The following PDE1C variants were observed in gnomAD, a reference collection of about 807,000 sequenced individuals.
PDE1C encodes the protein phosphodiesterase 1C, also known as dual specificity calcium/calmodulin-dependent 3',5'-cyclic nucleotide phosphodiesterase 1C.
Under a neutral mutation model 93.1 loss-of-function variants are expected in PDE1C, and 62 were observed. The ratio of observed to expected loss-of-function variants is 0.67; its 90% CI spans 0.54 to 0.82. The LOEUF is 0.82. Ranked by LOEUF, PDE1C falls within the 40% of genes least tolerant of loss-of-function variation. The pLI is 0.00. For missense variants in PDE1C, 742 were observed against 884.6 expected (o/e 0.84, Z 2.04); for synonymous variants, 325 against 310.1 (o/e 1.05, Z -0.50).
chr7:32,242,495 T>A (rs563231815), intron 1 of PDE1C, among the ~76,000 whole-genome samples: 1 of 152,278 alleles, frequency 6.6e-6, no homozygotes, highest in East Asian at 1.9e-4. Context: ...AGTCGGTTAA[T>A]GAAAAGAGAA....
At chr7:32,383,242 C>T (rs1784566257) in intron 1 of PDE1C, among the ~76,000 whole-genome samples, 1 of 152,128 alleles carries the variant, frequency 6.6e-6, no homozygotes, top group Non-Finnish European at 1.5e-5. Context: ...AGTTCTCAGC[C>T]ATAAGTAACA....
At chr7:32,210,606 A>AT (rs112236872) in intron 1 of PDE1C, among the ~76,000 whole-genome samples, 42 of 152,280 alleles carry the variant, frequency 2.8e-4, no homozygotes, top group African/African-American at 9.9e-4. Flanking sequence ...CATTTGAGCA[A>AT]TTTTTTAAAA....
At chr7:32,092,768 G>GA (rs1182276836) in intron 3 of PDE1C, among the ~76,000 whole-genome samples, 1 of 151,988 alleles carries the variant, frequency 6.6e-6, no homozygotes, top group Non-Finnish European at 1.5e-5. Flanking sequence ...GTTTTGTAAG[G>GA]AAAAAAATGT....
intron 2 of PDE1C, among the ~76,000 whole-genome samples, chr7:31,947,181 T>C (rs1806733878): frequency 6.6e-6 from 1 of 152,142 alleles, no homozygotes; most frequent in African/African-American, 2.4e-5. Flanking sequence ...TAATAAGGTG[T>C]GCAGGAGGTG....
chr7:31,674,299 A>G, the PDE1C span, among the ~76,000 whole-genome samples: 2 of 152,202 alleles, frequency 1.3e-5, no homozygotes, highest in Admixed American at 6.5e-5. Context: ...AAGAATGAAT[A>G]GAGAGATAGT....
chr7:31,709,198 C>T, the PDE1C span, among the ~76,000 whole-genome samples: 6 of 152,144 alleles, frequency 3.9e-5, no homozygotes, highest in South Asian at 2.1e-4. Context: ...AAACCTTCAT[C>T]GTTACTGACT....
At chr7:32,410,936 T>C (rs191691109) in intron 1 of PDE1C, among the ~76,000 whole-genome samples, 58 of 152,342 alleles carry the variant, frequency 3.8e-4, no homozygotes, top group African/African-American at 1.4e-3. Flanking sequence ...CATTAAACTC[T>C]TTATTTGAAC....
chr7:31,804,542 C>G (rs1786538645), intron 16 of PDE1C, among the ~76,000 whole-genome samples: 1 of 151,826 alleles, frequency 6.6e-6, no homozygotes, highest in Non-Finnish European at 1.5e-5. Context: ...ATGTATTACA[C>G]ACACATTTCT....
At chr7:31,630,907 A>T in the PDE1C span, among the ~76,000 whole-genome samples, 13 of 152,256 alleles carry the variant, frequency 8.5e-5, no homozygotes, top group African/African-American at 2.9e-4. Context: ...ATACATACAA[A>T]AATGTATGAA....
At chr7:32,410,423 G>A (rs544294726) in intron 1 of PDE1C, among the ~76,000 whole-genome samples, 1 of 151,814 alleles carries the variant, frequency 6.6e-6, no homozygotes, top group Non-Finnish European at 1.5e-5. Context: ...AAAAAGAAGA[G>A]GAAGAGGAGG....
At chr7:32,301,238 T>C (rs185506178), upstream of PDE1C, among the ~76,000 whole-genome samples, 10 of 152,268 alleles carry the variant, frequency 6.6e-5, no homozygotes, top group East Asian at 1.7e-3. Context: ...GTGAAGCACA[T>C]GTCTTTTTTG....
At chr7:32,082,748 G>A (rs1037705492) in intron 3 of PDE1C, among the ~76,000 whole-genome samples, 15 of 152,226 alleles carry the variant, frequency 9.9e-5, no homozygotes, top group Non-Finnish European at 1.0e-4. Context: ...AACAGCGTCT[G>A]AAGTGGACCT....
At chr7:31,684,413 G>A in the PDE1C span, among the ~76,000 whole-genome samples, 1 of 152,160 alleles carries the variant, frequency 6.6e-6, no homozygotes, top group Admixed American at 6.5e-5. Context: ...CATTAATGAT[G>A]AATTGGACTT....
intron 2 of PDE1C, among the ~76,000 whole-genome samples, chr7:31,927,930 G>A (rs1803619778): frequency 6.6e-6 from 1 of 152,080 alleles, no homozygotes. Context: ...CAACTGGATG[G>A]AGAATGAGTT....
chr7:31,656,105 A>G, the PDE1C span: 1 of 842,886 alleles, frequency 1.2e-6, no homozygotes. Context: ...AGTGATCCTT[A>G]TTTTTTGAAA....
intron 3 of PDE1C, among the ~76,000 whole-genome samples, chr7:32,158,955 C>T (rs560682694): frequency 3.3e-5 from 5 of 152,216 alleles, no homozygotes; most frequent in Non-Finnish European, 5.9e-5. Context: ...CAAACAGTTC[C>T]TTCAACATAA....
chr7:32,421,108 C>T (rs56945675), intron 1 of PDE1C, among the ~76,000 whole-genome samples: 3 of 140,634 alleles, frequency 2.1e-5, no homozygotes, highest in African/African-American at 8.1e-5. Context: ...CACACACACA[C>T]ACAGCACTAG....
intron 2 of PDE1C, among the ~76,000 whole-genome samples, chr7:31,961,231 T>C (rs1808894186): frequency 6.6e-6 from 1 of 150,468 alleles, no homozygotes; most frequent in African/African-American, 2.4e-5. Flanking sequence ...CACTCGTACA[T>C]GTATATGTAT....
chr7:31,640,379 C>T, the PDE1C span, among the ~76,000 whole-genome samples: 1 of 152,118 alleles, frequency 6.6e-6, no homozygotes, highest in Non-Finnish European at 1.5e-5. Flanking sequence ...CAAGAGAGAC[C>T]CTCTAGAGTT....
Sources: gnomAD v4.1 joint callset for allele counts (sites outside exome capture counted in the v4.1 genomes callset) on GRCh38, gnomAD v4.1.1 for gene constraint, MANE v1.5 for transcripts, NCBI Gene and HGNC (gene_info 2026-07-23, HGNC 2026-07-21) for gene names.